Variants in SPOCK1 observed in about 807,000 individuals in gnomAD.
SPOCK1 encodes the protein SPARC (osteonectin), cwcv and kazal like domains proteoglycan 1.
In SPOCK1, 23 loss-of-function variants were observed where a neutral mutation model predicts 55.3. The observed-to-expected ratio is 0.42, with a 90% CI of 0.30 to 0.59. The LOEUF (loss-of-function observed/expected upper bound fraction) is 0.59, where lower values mean the gene tolerates loss of function less well. SPOCK1 is among the 20% of genes least tolerant of loss of function. The probability of loss-of-function intolerance (pLI) is 0.22; values close to 1 mark genes in which losing one functional copy is unlikely to be tolerated. For synonymous variants in SPOCK1, 226 were observed against 221.0 expected (o/e 1.02, Z -0.20); for missense variants, 499 against 552.5 (o/e 0.90, Z 0.97).
At chr5:137,234,254 G>C (rs1007858072) in intron 3 of SPOCK1, among the ~76,000 whole-genome samples, 1 of 152,190 alleles carries the variant, frequency 6.6e-6, no homozygotes, top group Admixed American at 6.5e-5. Context: ...AGGGAGGCCA[G>C]TATTTCCCTT....
chr5:137,175,660 G>C (rs1025983485), intron 3 of SPOCK1, among the ~76,000 whole-genome samples: 9 of 152,110 alleles, frequency 5.9e-5, no homozygotes, highest in African/African-American at 2.2e-4. Context: ...GTTTATCTTT[G>C]AAGTAGAAAA....
At chr5:137,372,181 A>T (rs577006551) in intron 2 of SPOCK1, among the ~76,000 whole-genome samples, 1 of 152,320 alleles carries the variant, frequency 6.6e-6, no homozygotes, top group East Asian at 1.9e-4. Flanking sequence ...CCTGGTGGTT[A>T]CTGTACTGGA....
intron 2 of SPOCK1, among the ~76,000 whole-genome samples, chr5:137,381,146 C>A (rs1361280211): frequency 6.6e-6 from 1 of 152,150 alleles, no homozygotes; most frequent in Non-Finnish European, 1.5e-5. Flanking sequence ...CATCTTAAAG[C>A]TCCAAAATAA....
intron 6 of SPOCK1, among the ~76,000 whole-genome samples, chr5:137,066,271 T>A (rs1038012775): frequency 6.6e-6 from 1 of 152,216 alleles, no homozygotes; most frequent in Admixed American, 6.5e-5. Flanking sequence ...CCTGAGTAGC[T>A]GGGATTACAG....
chr5:137,171,398 G>A (rs956110667), intron 3 of SPOCK1, among the ~76,000 whole-genome samples: 1 of 152,114 alleles, frequency 6.6e-6, no homozygotes, highest in Admixed American at 6.6e-5. Flanking sequence ...CTGATACAGA[G>A]CTGGCACTTG....
intron 5 of SPOCK1, among the ~76,000 whole-genome samples, chr5:137,088,547 TA>T (rs1324983108): frequency 4.9e-4 from 75 of 152,316 alleles, no homozygotes; most frequent in East Asian, 9.6e-4. Context: ...GAAAGTTTGC[TA>T]ATCCTCCTGC....
At chr5:137,406,634 A>C (rs1306488747) in intron 2 of SPOCK1, among the ~76,000 whole-genome samples, 3 of 152,342 alleles carry the variant, frequency 2.0e-5, no homozygotes, top group Admixed American at 6.5e-5. Context: ...CACTGTAATA[A>C]GTGCAATGCA....
At position 137,316,935 on chromosome 5, in the gene SPOCK1, C is replaced by T. The variant is rs1215422316; in HGVS notation, c.187-49880G>A. Among the ~76,000 whole-genome samples, 6 of 152,334 alleles carry T rather than the reference C, an allele frequency of 3.9e-5. No homozygotes were observed. In the East Asian group the frequency reaches 1.2e-3, roughly 29 times the overall value. On this transcript the variant is annotated intron_variant, in intron 2 of 10. Coordinates refer to ENST00000394945, the MANE Select transcript of SPOCK1 (RefSeq NM_004598.4). ...AGATCCATTTAAGAACCAAAGCCCCCATGGTGCCTCATCATCTAAGAAGGG... is the reference window on the plus strand; with the variant it reads ...AGATCCATTTAAGAACCAAAGCCCCTATGGTGCCTCATCATCTAAGAAGGG...
chr5:137,372,567 G>C (rs1363070480), intron 2 of SPOCK1, among the ~76,000 whole-genome samples: 1 of 152,202 alleles, frequency 6.6e-6, no homozygotes, highest in African/African-American at 2.4e-5. Flanking sequence ...TGATGTCAGA[G>C]GGTAATTCCA....
intron 2 of SPOCK1, among the ~76,000 whole-genome samples, chr5:137,424,444 G>C (rs1752565351): frequency 6.6e-6 from 1 of 152,150 alleles, no homozygotes. Flanking sequence ...ACTCTATTTT[G>C]TTCCATTGAT....
intron 3 of SPOCK1, among the ~76,000 whole-genome samples, chr5:137,187,744 G>A (rs1755102817): frequency 6.6e-6 from 1 of 152,136 alleles, no homozygotes; most frequent in Non-Finnish European, 1.5e-5. Context: ...TATGTTAATA[G>A]GAGAAATCTG....
At chr5:137,170,163 A>G (rs1332855599) in intron 3 of SPOCK1, among the ~76,000 whole-genome samples, 1 of 152,220 alleles carries the variant, frequency 6.6e-6, no homozygotes, top group Non-Finnish European at 1.5e-5. Flanking sequence ...GCTTTAAATC[A>G]TCTCTAAATT....
intron 6 of SPOCK1, among the ~76,000 whole-genome samples, chr5:137,049,307 T>C (rs1752160202): frequency 7.6e-6 from 1 of 131,682 alleles, no homozygotes; most frequent in Non-Finnish European, 1.6e-5. Context: ...TCTTTTCACA[T>C]AGTCCCATAT....
intron 4 of SPOCK1, among the ~76,000 whole-genome samples, chr5:137,136,607 G>C (rs766041893): frequency 1.3e-5 from 2 of 152,152 alleles, no homozygotes; most frequent in Non-Finnish European, 2.9e-5. Context: ...TAGAGAGTGT[G>C]ACCATTGCCT....
rs532678138 is a variant in SPOCK1, at chr5:137,225,037, C to T, written c.232+41973G>A. Among the ~76,000 whole-genome samples the T allele has an allele frequency of 2.0e-5, 3 of 152,272 alleles. No homozygotes were observed. The East Asian group carries it at 5.8e-4, about 29-fold the overall frequency. Reference sequence around the variant, plus strand: ...GATTAAGTACCGTTCTCCCCAAAAGCATGAAAGCCCTTCATGTTCAATCTC... The same window carrying T: ...GATTAAGTACCGTTCTCCCCAAAAGTATGAAAGCCCTTCATGTTCAATCTC... On this transcript the variant is annotated intron_variant, in intron 3 of 10. Transcript: ENST00000394945.
chr5:137,268,607 T>C (rs546095269), intron 2 of SPOCK1, among the ~76,000 whole-genome samples: 1 of 152,306 alleles, frequency 6.6e-6, no homozygotes, highest in Admixed American at 6.5e-5. Context: ...AGCACCCAAT[T>C]TCTAGGTTTG....
intron 2 of SPOCK1, among the ~76,000 whole-genome samples, chr5:137,474,651 G>C (rs1753800903): frequency 6.6e-6 from 1 of 152,174 alleles, no homozygotes; most frequent in Non-Finnish European, 1.5e-5. Flanking sequence ...ATGCCAGAAA[G>C]TGAGTGAGTG....
At chr5:137,187,991 T>C (rs1439334821) in intron 3 of SPOCK1, among the ~76,000 whole-genome samples, 3 of 152,230 alleles carry the variant, frequency 2.0e-5, no homozygotes, top group Non-Finnish European at 2.9e-5. Context: ...CTTCCACCCC[T>C]TGGAGCAAAT....
intron 7 of SPOCK1, among the ~76,000 whole-genome samples, chr5:136,990,579 TACGGG>T (rs1750930495): frequency 6.6e-6 from 1 of 151,554 alleles, no homozygotes; most frequent in Non-Finnish European, 1.5e-5. Flanking sequence ...GAAGAGAGGC[TACGGG>T]ACATAACGTG....
Sources: gnomAD v4.1 joint callset for allele counts (sites outside exome capture counted in the v4.1 genomes callset) on GRCh38, gnomAD v4.1.1 for gene constraint, MANE v1.5 for transcripts, NCBI Gene and HGNC (gene_info 2026-07-23, HGNC 2026-07-21) for gene names.